The following MBTD1 variants were observed in gnomAD, a reference collection of about 807,000 sequenced individuals.
The protein encoded by MBTD1 is MBT domain-containing protein 1.
A neutral mutation model predicts 87.8 loss-of-function variants in MBTD1; 24 were observed. The observed-to-expected ratio is 0.27, with a 90% confidence interval of 0.20 to 0.38. MBTD1 has a LOEUF of 0.38. MBTD1 is among the 10% of genes least tolerant of loss of function. The probability of loss-of-function intolerance (pLI) is 1.00; values close to 1 mark genes in which losing one functional copy is unlikely to be tolerated. For missense variants in MBTD1, 436 were observed against 760.2 expected (o/e 0.57, Z 5.02); for synonymous variants, 237 against 248.6 (o/e 0.95, Z 0.44).
At chr17:51,230,682 A>G (rs2053499194) in intron 2 of MBTD1, among the ~76,000 whole-genome samples, 1 of 152,164 alleles carries the variant, frequency 6.6e-6, no homozygotes. Context: ...GCTAGAATAA[A>G]CTTAGCACAC....
intron 2 of MBTD1, among the ~76,000 whole-genome samples, chr17:51,242,611 T>A (rs571246692): frequency 3.2e-4 from 48 of 152,278 alleles, no homozygotes; most frequent in African/African-American, 1.1e-3. Context: ...ATTTATTTCA[T>A]TTTTTGGGGG....
Position 51,178,386 on chromosome 17 carries a change from G to A in MBTD1, c.*2190C>T, listed in dbSNP as rs2050172335. 1 of 152,160 alleles carries A rather than the reference G, an allele frequency of 6.6e-6. No individual in the cohort carries two copies. Among genetic ancestry groups the A allele is most frequent in the South Asian group, 2.1e-4 (1 of 4,824 alleles). 9.4% of individuals were successfully genotyped at this position (152,160 alleles called of 1,614,324 possible). A position where few individuals can be genotyped will look rare whatever the true frequency, so the allele number is the denominator to read the frequency against. On this transcript the variant is annotated 3_prime_UTR_variant, in exon 17 of 17. Coordinates refer to ENST00000586178, the MANE Select transcript of MBTD1 (RefSeq NM_017643.3). ...GGAAATTCTAAAACACTCAGAGCCT[G>A]GGTTTGCTATAGAATTGGAAGCTTA...
At chr17:51,202,151 A>G (rs2051527354) in intron 10 of MBTD1, 74 bp from the exon 11 acceptor site, 1 of 839,206 alleles carries the variant, frequency 1.2e-6, no homozygotes, top group Admixed American at 1.9e-5. Flanking sequence ...TGAAGGCTTC[A>G]AACTCACAAA....
At chr17:51,234,666 T>C (rs567018462) in intron 2 of MBTD1, among the ~76,000 whole-genome samples, 3 of 152,166 alleles carry the variant, frequency 2.0e-5, no homozygotes, top group Non-Finnish European at 4.4e-5. Flanking sequence ...GAATTCTACT[T>C]AGGAAATACT....
chr17:51,259,321 C>T (rs1410632529), intron 1 of MBTD1, 115 bp from the exon 2 acceptor site: 5 of 1,169,438 alleles, frequency 4.3e-6, no homozygotes, highest in Non-Finnish European at 5.4e-6. Flanking sequence ...ACACCACTCC[C>T]ACCTCTCCCG....
At chr17:51,254,350 T>C (rs1393113794) in intron 2 of MBTD1, among the ~76,000 whole-genome samples, 1 of 152,198 alleles carries the variant, frequency 6.6e-6, no homozygotes, top group East Asian at 1.9e-4. Flanking sequence ...ACGAGGAACA[T>C]AAATGGTAAG....
chr17:51,204,024 T>C (rs1191339472), intron 7 of MBTD1, 99 bp from the exon 8 acceptor site: 3 of 889,922 alleles, frequency 3.4e-6, no homozygotes, highest in Non-Finnish European at 5.2e-6. Flanking sequence ...CTATCTGCAA[T>C]ACAATCACCT....
chr17:51,225,236 C>T, intron 2 of MBTD1, 27 bp from the exon 3 acceptor site: 1 of 1,349,844 alleles, frequency 7.4e-7, no homozygotes. Context: ...ACCAGTGACA[C>T]ATGACACAAC....
intron 6 of MBTD1, among the ~76,000 whole-genome samples, chr17:51,216,925 G>A (rs1174480119): frequency 6.6e-6 from 1 of 152,030 alleles, no homozygotes; most frequent in African/African-American, 2.4e-5. Context: ...ATGAGGCTGG[G>A]TATGGTGGCT....
At chr17:51,217,444 A>G in intron 5 of MBTD1, 28 bp from the exon 6 acceptor site, 6 of 1,076,224 alleles carry the variant, frequency 5.6e-6, no homozygotes, top group Non-Finnish European at 8.0e-6. Flanking sequence ...TAGATGTATT[A>G]TAATTCTCAA....
intron 2 of MBTD1, among the ~76,000 whole-genome samples, chr17:51,232,518 C>T (rs1182692637): frequency 6.6e-6 from 1 of 151,750 alleles, no homozygotes; most frequent in Admixed American, 6.6e-5. Context: ...AAAACAAACA[C>T]CAACTTATTA....
chr17:51,221,127 C>T (rs1319354381), intron 3 of MBTD1, among the ~76,000 whole-genome samples: 1 of 151,988 alleles, frequency 6.6e-6, no homozygotes, highest in Non-Finnish European at 1.5e-5. Flanking sequence ...GATCCAGTAT[C>T]TTCAAAAAAT....
intron 3 of MBTD1, among the ~76,000 whole-genome samples, chr17:51,224,194 T>A (rs866247148): frequency 2.6e-5 from 4 of 152,184 alleles, no homozygotes; most frequent in Admixed American, 1.3e-4. Flanking sequence ...GATGACTTGT[T>A]ACCCTACTAC....
At chr17:51,229,410 C>T (rs1477961366) in intron 2 of MBTD1, among the ~76,000 whole-genome samples, 7 of 151,980 alleles carry the variant, frequency 4.6e-5, no homozygotes, top group Admixed American at 3.9e-4. Flanking sequence ...TATTACATGA[C>T]CAGTAACAAG....
chr17:51,219,176 CA>C (rs2052743880), intron 4 of MBTD1, 132 bp from the exon 5 acceptor site: 1 of 570,974 alleles, frequency 1.8e-6, no homozygotes, highest in African/African-American at 1.9e-5. Context: ...GCAGAGGAAA[CA>C]TACAAGAATT....
intron 16 of MBTD1, chr17:51,185,077 CCAA>C (rs1385809502): frequency 1.3e-5 from 2 of 152,062 alleles, no homozygotes; most frequent in East Asian, 3.9e-4. Context: ...CACCAAAAAA[CCAA>C]CAACGGAAAC....
intron 3 of MBTD1, among the ~76,000 whole-genome samples, chr17:51,222,442 T>A (rs2052960310): frequency 6.6e-6 from 1 of 152,198 alleles, no homozygotes; most frequent in Non-Finnish European, 1.5e-5. Context: ...TCTCGCTCTG[T>A]CACCCAGGCT....
chr17:51,239,317 A>G (rs2054032348), intron 2 of MBTD1, among the ~76,000 whole-genome samples: 1 of 152,192 alleles, frequency 6.6e-6, no homozygotes. Flanking sequence ...CCTTTATTAT[A>G]TGATCATGTC....
chr17:51,218,823 G>T, intron 5 of MBTD1, 107 bp downstream of exon 5: 1 of 686,496 alleles, frequency 1.5e-6, no homozygotes, highest in Non-Finnish European at 2.6e-6. Context: ...GTGCTGACAG[G>T]ACATAGAAAC....
Sources: gnomAD v4.1 joint callset for allele counts (sites outside exome capture counted in the v4.1 genomes callset) on GRCh38, gnomAD v4.1.1 for gene constraint, MANE v1.5 for transcripts, NCBI Gene and HGNC (gene_info 2026-07-23, HGNC 2026-07-21) for gene names.